The following SMAP1 variants were observed in gnomAD, a reference collection of about 807,000 sequenced individuals.
The protein encoded by SMAP1 is small ArfGAP 1, also known as stromal membrane-associated protein 1.
In SMAP1, 24 loss-of-function variants were observed where a neutral mutation model predicts 58.5. The ratio of observed to expected loss-of-function variants is 0.41; its 90% CI spans 0.30 to 0.58. The LOEUF (loss-of-function observed/expected upper bound fraction) is 0.58. SMAP1 is among the 20% of genes least tolerant of loss of function. The pLI is 0.29. For synonymous variants in SMAP1, 216 were observed against 196.6 expected (o/e 1.10, Z -0.82); for missense variants, 563 against 566.3 (o/e 0.99, Z 0.06).
At chr6:70,847,401 T>C (rs182282679) in intron 7 of SMAP1, among the ~76,000 whole-genome samples, 4 of 152,338 alleles carry the variant, frequency 2.6e-5, no homozygotes, top group Admixed American at 2.6e-4. Flanking sequence ...CCTGTCGGTT[T>C]CTCATATGTG....
intron 7 of SMAP1, among the ~76,000 whole-genome samples, chr6:70,842,996 G>A (rs1433630589): frequency 1.3e-5 from 2 of 152,144 alleles, no homozygotes; most frequent in Admixed American, 1.3e-4. Flanking sequence ...TTGCAAGAGA[G>A]GCTAGGAAAA....
intron 4 of SMAP1, among the ~76,000 whole-genome samples, chr6:70,778,222 A>G (rs1382761280): frequency 6.6e-6 from 1 of 152,148 alleles, no homozygotes; most frequent in African/African-American, 2.4e-5. Flanking sequence ...TACAAACACA[A>G]AGGATATTAT....
chr6:70,722,782 A>AT (rs1396056070), intron 1 of SMAP1, among the ~76,000 whole-genome samples: 1 of 152,240 alleles, frequency 6.6e-6, no homozygotes, highest in South Asian at 2.1e-4. Flanking sequence ...CGCTCATGCT[A>AT]TTTTTTGTGG....
intron 1 of SMAP1, among the ~76,000 whole-genome samples, chr6:70,712,784 CT>C (rs1052173944): frequency 2.8e-5 from 4 of 141,192 alleles, no homozygotes; most frequent in African/African-American, 8.3e-5. Context: ...TTTCTTTTTT[CT>C]TTTTTTCTTT....
rs537649505 is a variant in SMAP1, at chr6:70,761,441, A to G, written c.338+6376A>G. 4.6e-5 allele frequency among the ~76,000 whole-genome samples: 7 copies of G among 152,162 alleles called. No homozygotes were observed. The South Asian group carries it at 1.0e-3, about 23-fold the overall frequency. On this transcript the variant is annotated intron_variant, in intron 3 of 10. Transcript: ENST00000370455. ...ATTTTTTGGGTTGTATTATTGATCT[A>G]TGTCAGTATAACTAAGTCCTTATAT...
intron 4 of SMAP1, among the ~76,000 whole-genome samples, chr6:70,777,877 C>T (rs1489338816): frequency 2.6e-5 from 4 of 151,910 alleles, no homozygotes; most frequent in African/African-American, 4.8e-5. Flanking sequence ...CTCAGTCTCC[C>T]GAGTAGCTGG....
At chr6:70,831,994 T>C (rs924253149) in intron 6 of SMAP1, among the ~76,000 whole-genome samples, 2 of 152,196 alleles carry the variant, frequency 1.3e-5, no homozygotes, top group African/African-American at 4.8e-5. Flanking sequence ...CATTGTGGTT[T>C]TGATTTGCAT....
At chr6:70,788,248 G>T (rs368628426) in intron 4 of SMAP1, among the ~76,000 whole-genome samples, 74 of 139,040 alleles carry the variant, frequency 5.3e-4, no homozygotes, top group African/African-American at 1.7e-3. Context: ...GGAATTGAAC[G>T]ATGAGAACAC....
At chr6:70,759,046 G>T (rs1041296814) in intron 3 of SMAP1, among the ~76,000 whole-genome samples, 3 of 152,066 alleles carry the variant, frequency 2.0e-5, no homozygotes, top group African/African-American at 4.8e-5. Context: ...TGTAGGTGAT[G>T]ATATAAAGTG....
intron 4 of SMAP1, among the ~76,000 whole-genome samples, chr6:70,787,044 A>C (rs1768074911): frequency 6.6e-6 from 1 of 152,184 alleles, no homozygotes; most frequent in South Asian, 2.1e-4. Flanking sequence ...ACCTGACTTC[A>C]AACTATACTA....
At chr6:70,822,120 C>T (rs188554724) in intron 6 of SMAP1, among the ~76,000 whole-genome samples, 15 of 152,198 alleles carry the variant, frequency 9.9e-5, no homozygotes, top group Admixed American at 9.2e-4. Context: ...TAGGAAAATA[C>T]TTCCTGAATA....
At chr6:70,732,292 A>G (rs958204972) in intron 1 of SMAP1, 86 bp from the exon 2 acceptor site, 3 of 1,395,942 alleles carry the variant, frequency 2.1e-6, no homozygotes. Context: ...ATAATTATAT[A>G]AAACCGAGAA....
chr6:70,847,794 T>C (rs1771047588), intron 7 of SMAP1, among the ~76,000 whole-genome samples: 1 of 152,152 alleles, frequency 6.6e-6, no homozygotes, highest in South Asian at 2.1e-4. Flanking sequence ...CTGAGCAAGG[T>C]GCATGTCTAC....
intron 4 of SMAP1, among the ~76,000 whole-genome samples, chr6:70,782,294 C>A (rs915145966): frequency 6.6e-6 from 1 of 152,184 alleles, no homozygotes; most frequent in Non-Finnish European, 1.5e-5. Context: ...TTTCAAAGAA[C>A]AATTACTGAG....
intron 8 of SMAP1, among the ~76,000 whole-genome samples, chr6:70,855,151 T>C (rs182608232): frequency 2.8e-4 from 42 of 149,386 alleles, no homozygotes; most frequent in Middle Eastern, 3.4e-3. Context: ...AGTCCTGTTT[T>C]TTCTTGGTTA....
chr6:70,776,800 T>C (rs1458389527), intron 4 of SMAP1, among the ~76,000 whole-genome samples: 4 of 152,204 alleles, frequency 2.6e-5, no homozygotes. Flanking sequence ...GGATTATCCA[T>C]GTTGCTGTGA....
intron 5 of SMAP1, among the ~76,000 whole-genome samples, chr6:70,793,880 A>T (rs1471990080): frequency 1.3e-5 from 2 of 151,816 alleles, no homozygotes; most frequent in Admixed American, 6.6e-5. Context: ...GTTTACAGGC[A>T]TGCGCCACCA....
intron 5 of SMAP1, among the ~76,000 whole-genome samples, chr6:70,794,085 A>G (rs1237006840): frequency 6.6e-6 from 1 of 151,788 alleles, no homozygotes; most frequent in East Asian, 1.9e-4. Flanking sequence ...TGAACCCAGT[A>G]TGTACTTACC....
chr6:70,828,610 CA>C (rs1770235316), intron 6 of SMAP1, among the ~76,000 whole-genome samples: 1 of 152,180 alleles, frequency 6.6e-6, no homozygotes. Flanking sequence ...CATTGAAAAA[CA>C]GTGACATATA....
Sources: allele counts gnomAD v4.1 joint callset (sites outside exome capture counted in the v4.1 genomes callset), GRCh38; gene constraint gnomAD v4.1.1; transcripts MANE v1.5; gene names NCBI Gene and HGNC (gene_info 2026-07-23, HGNC 2026-07-21).